R3HDM2: variants seen among roughly 807,000 people sequenced by gnomAD.
R3HDM2 encodes R3H domain-containing protein 2.
Under a neutral mutation model 124.5 loss-of-function variants are expected in R3HDM2, and 38 were observed. The ratio of observed to expected loss-of-function variants is 0.31; its 90% CI spans 0.24 to 0.40. R3HDM2 has a LOEUF of 0.40. R3HDM2 is among the 10% of genes least tolerant of loss of function. The probability of loss-of-function intolerance (pLI) is 1.00; values close to 1 mark genes in which losing one functional copy is unlikely to be tolerated. For missense variants in R3HDM2, 869 were observed against 1,236.9 expected (o/e 0.70, Z 4.46); for synonymous variants, 391 against 448.0 (o/e 0.87, Z 1.61).
chr12:57,328,688 G>A (rs1477647019), intron 2 of R3HDM2, among the ~76,000 whole-genome samples: 1 of 152,054 alleles, frequency 6.6e-6, no homozygotes, highest in African/African-American at 2.4e-5. Flanking sequence ...CCAGGTATGT[G>A]TCACTGCACC....
At chr12:57,397,090 T>C (rs1384251185) in intron 1 of R3HDM2, among the ~76,000 whole-genome samples, 5 of 150,398 alleles carry the variant, frequency 3.3e-5, no homozygotes, top group African/African-American at 7.4e-5. Context: ...CAAAACTCCA[T>C]CTCAAAGAAA....
intron 4 of R3HDM2, among the ~76,000 whole-genome samples, chr12:57,301,538 C>G (rs1391153464): frequency 6.6e-6 from 1 of 152,214 alleles, no homozygotes. Flanking sequence ...GCCTAAGTTT[C>G]CTCATCTGTA....
chr12:57,342,342 T>A (rs2059651480), intron 2 of R3HDM2, among the ~76,000 whole-genome samples: 1 of 150,142 alleles, frequency 6.7e-6, no homozygotes, highest in Non-Finnish European at 1.5e-5. Context: ...GAAATGATAC[T>A]GATCCTTGCT....
chr12:57,343,331 A>C (rs1174367197), intron 2 of R3HDM2, among the ~76,000 whole-genome samples: 1 of 151,758 alleles, frequency 6.6e-6, no homozygotes, highest in African/African-American at 2.4e-5. Context: ...CTAGGATTAC[A>C]GACATGCGCC....
chr12:57,354,468 A>AT (rs982996320), intron 2 of R3HDM2, among the ~76,000 whole-genome samples: 31 of 151,360 alleles, frequency 2.0e-4, no homozygotes, highest in African/African-American at 7.3e-4. Context: ...AATTTTTTGT[A>AT]TTTTTAGTAG....
chr12:57,407,226 G>A (rs1594546719), intron 1 of R3HDM2, among the ~76,000 whole-genome samples: 1 of 148,440 alleles, frequency 6.7e-6, no homozygotes, highest in Non-Finnish European at 1.5e-5. Flanking sequence ...CTCCAGCCTG[G>A]GCAACAGAGC....
rs1186358850 is a variant in R3HDM2, at chr12:57,289,041, C to G, written c.907-1G>C. On this transcript the variant is annotated splice_acceptor_variant, in intron 11 of 23. Coordinates refer to ENST00000402412, the MANE Select transcript of R3HDM2 (RefSeq NM_001394031.1). LOFTEE classifies it high-confidence loss of function. ...CATTTAGATATCCGTTCTGGCCAGT[C>G]TAGGTGAGGGGGAGAAAACGGAAAA... 4.5e-6 allele frequency: 7 copies of G among 1,547,686 alleles called. No homozygotes were observed.
Position 57,256,420 on chromosome 12 carries a change from C to T in R3HDM2, c.2541G>A (p.Val847=), listed in dbSNP as rs757652591. 1.9e-6 allele frequency: 3 copies of T among 1,583,194 alleles called. No individual in the cohort carries two copies. Among genetic ancestry groups the T allele is most frequent in the Non-Finnish European group, 2.6e-6 (3 of 1,163,200 alleles). The change falls in exon 22 of 24, where the codon GTG becomes GTA. Residue 847 remains valine (V), a synonymous_variant. Transcript: ENST00000402412. The part of the protein sequence containing the change: ...PLLHGQSTYT[V]HQGQSGLKHG... ...TGCTGGTGGACACCCTTACCTGGTG[C>T]ACCGTGTAAGTTGACTGGCCATGGA...
At chr12:57,416,075 T>C (rs991802127) in intron 1 of R3HDM2, among the ~76,000 whole-genome samples, 2 of 152,216 alleles carry the variant, frequency 1.3e-5, no homozygotes, top group African/African-American at 2.4e-5. Context: ...AACTTAATAA[T>C]GGTATTGTGG....
chr12:57,282,918 G>A (rs531731815), intron 13 of R3HDM2, among the ~76,000 whole-genome samples: 3 of 152,280 alleles, frequency 2.0e-5, no homozygotes, highest in South Asian at 4.1e-4. Context: ...GGAGGAGGAC[G>A]ATGAAATAGA....
At chr12:57,413,072 G>A (rs519452) in intron 1 of R3HDM2, among the ~76,000 whole-genome samples, 35,856 of 151,864 alleles carry the variant, frequency 0.24, 4,621 homozygotes, top group South Asian at 0.43. Context: ...AGAATTGCCT[G>A]AACCCAGAAG....
chr12:57,412,986 C>A (rs1278244816), intron 1 of R3HDM2, among the ~76,000 whole-genome samples: 1 of 151,910 alleles, frequency 6.6e-6, no homozygotes, highest in Non-Finnish European at 1.5e-5. Flanking sequence ...CCCGCCTCTA[C>A]TAAAAATACA....
intron 19 of R3HDM2, 93 bp from the exon 20 acceptor site, chr12:57,259,152 C>T (rs2039993197): frequency 7.4e-7 from 1 of 1,349,350 alleles, no homozygotes; most frequent in East Asian, 2.5e-5. Flanking sequence ...AATAAATCCA[C>T]CCATTGCCTC....
chr12:57,296,609 A>G lies in R3HDM2; in HGVS notation c.561-58T>C. ...AAGACAAACAACTGCAATAACAACC[A>G]ATTTTAATTTTTCTTACAAGTGTCT... On this transcript the variant is annotated intron_variant, in intron 8 of 23. Coordinates refer to ENST00000402412, the MANE Select transcript of R3HDM2 (RefSeq NM_001394031.1). This position sits in a 1 kb window ranked among gnomAD's most constrained non-coding sequence, Gnocchi z 4.5. 6.6e-7 allele frequency: 1 copy of G among 1,508,080 alleles called. No individual in the cohort carries two copies. The highest frequency in any genetic ancestry group is 1.2e-5 in the South Asian group (1 of 81,550). The allele number at this position is 1,508,080 out of a possible 1,614,324, so 93.4% of individuals were successfully genotyped here.
chr12:57,332,379 C>T (rs2058317588), intron 2 of R3HDM2, among the ~76,000 whole-genome samples: 1 of 136,322 alleles, frequency 7.3e-6, no homozygotes, highest in South Asian at 2.3e-4. Context: ...TGCATCACTC[C>T]AGCACTCCAG....
At chr12:57,333,167 A>G (rs1225665278) in intron 2 of R3HDM2, among the ~76,000 whole-genome samples, 1 of 152,160 alleles carries the variant, frequency 6.6e-6, no homozygotes, top group Non-Finnish European at 1.5e-5. Flanking sequence ...CACTGAGCTC[A>G]GTGAAATATC....
At position 57,306,582 on chromosome 12, in the gene R3HDM2, TG is replaced by T. The variant is rs1593030656; in HGVS notation, c.166-3366del. ...CGTCACCACACCCAGCTAATTTTTTTGTATTTTTAGTAGAGATGGGATTTCA... is the reference window on the plus strand; with the variant it reads ...CGTCACCACACCCAGCTAATTTTTTTTATTTTTAGTAGAGATGGGATTTCA... On this transcript the variant is annotated intron_variant, in intron 3 of 23. Transcript: ENST00000402412. Among the ~76,000 whole-genome samples, 6 of 152,212 alleles carry T rather than the reference TG, an allele frequency of 3.9e-5. No homozygotes were observed. The South Asian group carries it at 1.2e-3, about 32-fold the overall frequency.
chr12:57,292,477 AC>A, intron 11 of R3HDM2, 94 bp downstream of exon 11: 1 of 858,158 alleles, frequency 1.2e-6, no homozygotes, highest in Non-Finnish European at 1.8e-6. Context: ...AAACAAACAA[AC>A]CCAAAAACAT....
intron 2 of R3HDM2, among the ~76,000 whole-genome samples, chr12:57,334,811 A>G (rs1265609083): frequency 1.3e-5 from 2 of 152,044 alleles, no homozygotes; most frequent in African/African-American, 4.8e-5. Flanking sequence ...TAAACTTCCC[A>G]TGCCTCAATA....
Sources: allele counts gnomAD v4.1 joint callset (sites outside exome capture counted in the v4.1 genomes callset), GRCh38; gene constraint gnomAD v4.1.1; non-coding constraint Gnocchi (gnomAD v3.1); transcripts MANE v1.5; gene names NCBI Gene and HGNC (gene_info 2026-07-23, HGNC 2026-07-21).